Variants in TBC1D22A observed in about 807,000 individuals in gnomAD.
TBC1D22A encodes TBC1 domain family member 22A.
Under a neutral mutation model 60.2 loss-of-function variants are expected in TBC1D22A, and 38 were observed. That is an observed-to-expected ratio of 0.63 (90% CI 0.49 to 0.83). TBC1D22A has a LOEUF of 0.83. Among genes scored for constraint, TBC1D22A ranks in the 40% least tolerant of loss-of-function variants. The pLI, the probability that TBC1D22A is intolerant of heterozygous loss-of-function variation, is 0.00. For synonymous variants in TBC1D22A, 302 were observed against 281.7 expected (o/e 1.07, Z -0.72); for missense variants, 628 against 701.0 (o/e 0.90, Z 1.18).
At chr22:47,060,263 A>G (rs1236817830) in intron 11 of TBC1D22A, among the ~76,000 whole-genome samples, 8 of 109,578 alleles carry the variant, frequency 7.3e-5, no homozygotes, top group Non-Finnish European at 1.0e-4. Context: ...TTTTTTTGAG[A>G]TGGAGTCTTG....
chr22:46,790,362 G>T (rs566594487), intron 1 of TBC1D22A, among the ~76,000 whole-genome samples: 3 of 152,328 alleles, frequency 2.0e-5, no homozygotes, highest in African/African-American at 7.2e-5. Flanking sequence ...GTGCCCATCC[G>T]GATTGCCCAG....
chr22:47,033,112 T>C (rs966873322), intron 10 of TBC1D22A, among the ~76,000 whole-genome samples: 2 of 152,246 alleles, frequency 1.3e-5, no homozygotes, highest in African/African-American at 4.8e-5. Context: ...GTTTTAAGTG[T>C]TCAGACTTGA....
At chr22:46,948,622 T>G (rs1396835555) in intron 8 of TBC1D22A, among the ~76,000 whole-genome samples, 1 of 152,244 alleles carries the variant, frequency 6.6e-6, no homozygotes. Flanking sequence ...TCAGCTTGGT[T>G]TGGGAAATCT....
intron 12 of TBC1D22A, 40 bp from the exon 13 acceptor site, chr22:47,173,458 G>A (rs2068572344): frequency 3.1e-6 from 5 of 1,607,364 alleles, no homozygotes; most frequent in East Asian, 2.2e-5. Context: ...CTCCACCGTG[G>A]GTCACCTCCT....
chr22:47,109,439 A>G (rs1028836275), intron 11 of TBC1D22A, among the ~76,000 whole-genome samples: 6 of 152,158 alleles, frequency 3.9e-5, no homozygotes, highest in Admixed American at 6.5e-5. Context: ...CTCTTAGAAT[A>G]TGCACCCTCT....
intron 10 of TBC1D22A, among the ~76,000 whole-genome samples, chr22:47,007,980 A>G (rs1393736458): frequency 6.6e-6 from 1 of 152,240 alleles, no homozygotes; most frequent in African/African-American, 2.4e-5. Context: ...AGCAGGAAGC[A>G]TGACTCTTGT....
intron 4 of TBC1D22A, among the ~76,000 whole-genome samples, chr22:46,841,044 A>ATGGGTGTG (rs1555909283): frequency 1.9e-5 from 1 of 54,042 alleles, no homozygotes; most frequent in Non-Finnish European, 4.7e-5. Context: ...AGTAATGAAA[A>ATGGGTGTG]TGGGTGTGTG....
At chr22:46,819,797 G>A in intron 4 of TBC1D22A, among the ~76,000 whole-genome samples, 1 of 152,210 alleles carries the variant, frequency 6.6e-6, no homozygotes. Context: ...GTTTGGAATA[G>A]TTTCAGAAGG....
In TBC1D22A at chr22:46,793,608, A is replaced by G; in HGVS notation, c.227A>G (p.Glu76Gly). Residue 76 changes from glutamate to glycine, a missense_variant, in exon 3 of 13, where the codon GAG (glutamate) becomes GGG (glycine). Transcript: ENST00000337137. ...ACCAGCGATGCCTGGGACGCTGGGG[A>G]GGACGACGATGAGCTCCTGGCCATG... ...SNTSDAWDAG[E>G]DDDELLAMAA... 6.2e-7 allele frequency: 1 copy of G among 1,613,962 alleles called. No individual in the cohort carries two copies. Among genetic ancestry groups the G allele is most frequent in the South Asian group, 1.1e-5 (1 of 91,082 alleles).
intron 10 of TBC1D22A, among the ~76,000 whole-genome samples, chr22:47,000,889 C>T (rs755882641): frequency 6.6e-6 from 1 of 151,786 alleles, no homozygotes; most frequent in Non-Finnish European, 1.5e-5. Context: ...GAATTGCTAT[C>T]TACAAAATAA....
At chr22:46,941,968 G>C (rs1271352745) in intron 8 of TBC1D22A, among the ~76,000 whole-genome samples, 6 of 124,580 alleles carry the variant, frequency 4.8e-5, no homozygotes, top group Admixed American at 8.2e-5. Flanking sequence ...CACACACACA[G>C]TCCACCCTTG....
intron 4 of TBC1D22A, among the ~76,000 whole-genome samples, chr22:46,836,166 A>G (rs1479351574): frequency 2.0e-5 from 3 of 152,256 alleles, no homozygotes; most frequent in Admixed American, 6.5e-5. Flanking sequence ...ATGTAGTCAA[A>G]TTCAGAATAC....
At chr22:46,779,304 G>A (rs557184933) in intron 1 of TBC1D22A, among the ~76,000 whole-genome samples, 1 of 152,302 alleles carries the variant, frequency 6.6e-6, no homozygotes, top group African/African-American at 2.4e-5. Context: ...ACAGGACCAT[G>A]GTCCTATATG....
intron 12 of TBC1D22A, among the ~76,000 whole-genome samples, chr22:47,129,541 G>A (rs976257353): frequency 2.0e-5 from 3 of 152,196 alleles, no homozygotes; most frequent in Admixed American, 2.0e-4. Context: ...TGGCACTCAC[G>A]AAGTGGGTGG....
At chr22:46,790,003 C>G (rs927421046) in intron 1 of TBC1D22A, among the ~76,000 whole-genome samples, 1 of 152,270 alleles carries the variant, frequency 6.6e-6, no homozygotes, top group Admixed American at 6.5e-5. Context: ...CCAAGGAAAA[C>G]AGATTGGCCA....
chr22:47,035,458 C>G (rs767029496), intron 10 of TBC1D22A, among the ~76,000 whole-genome samples: 2 of 152,192 alleles, frequency 1.3e-5, no homozygotes, highest in Non-Finnish European at 2.9e-5. Flanking sequence ...CTGCTCCACC[C>G]AGTTCTGCAG....
chr22:46,797,889 T>A (rs2084727763), intron 4 of TBC1D22A, among the ~76,000 whole-genome samples: 1 of 152,214 alleles, frequency 6.6e-6, no homozygotes, highest in Non-Finnish European at 1.5e-5. Flanking sequence ...TTTTTAAAAT[T>A]TGAGACAAGG....
chr22:47,141,687 G>T (rs1280768547), intron 12 of TBC1D22A, among the ~76,000 whole-genome samples: 1 of 152,188 alleles, frequency 6.6e-6, no homozygotes, highest in African/African-American at 2.4e-5. Context: ...TGAGCCACAC[G>T]CCTGTTTGTG....
intron 11 of TBC1D22A, among the ~76,000 whole-genome samples, chr22:47,063,810 G>T (rs75096591): frequency 6.6e-6 from 1 of 152,118 alleles, no homozygotes; most frequent in Non-Finnish European, 1.5e-5. Flanking sequence ...AGTCATCCTC[G>T]GCATTCCTGA....
Sources: allele counts gnomAD v4.1 joint callset (sites outside exome capture counted in the v4.1 genomes callset), GRCh38; gene constraint gnomAD v4.1.1; transcripts MANE v1.5; gene names NCBI Gene and HGNC (gene_info 2026-07-23, HGNC 2026-07-21).